Variants in CYP7B1 observed in about 807,000 individuals in gnomAD.
The protein encoded by CYP7B1 is cytochrome P450 7B1.
CYP7B1 carries 29 observed loss-of-function variants against 42.7 expected under a neutral mutation model. The observed-to-expected ratio is 0.68, with a 90% CI of 0.51 to 0.93. The LOEUF is 0.93. CYP7B1 is among the 40% of genes least tolerant of loss of function. CYP7B1 has a pLI of 0.00. For missense variants in CYP7B1, 655 were observed against 600.5 expected (o/e 1.09, Z -0.95); for synonymous variants, 235 against 218.2 (o/e 1.08, Z -0.68).
chr8:64,769,705 T>C (rs1253865992), intron 1 of CYP7B1, among the ~76,000 whole-genome samples: 2 of 152,330 alleles, frequency 1.3e-5, no homozygotes, highest in African/African-American at 4.8e-5. Flanking sequence ...TTCCAGACTT[T>C]CCTTTTGTTC....
chr8:64,667,943 G>A (rs1246841755), intron 1 of CYP7B1, among the ~76,000 whole-genome samples: 1 of 152,138 alleles, frequency 6.6e-6, no homozygotes, highest in African/African-American at 2.4e-5. Context: ...TTCATCCTCT[G>A]TTGAAATAGT....
intron 1 of CYP7B1, among the ~76,000 whole-genome samples, chr8:64,626,576 A>G (rs1362228926): frequency 1.3e-5 from 2 of 152,214 alleles, no homozygotes; most frequent in Non-Finnish European, 2.9e-5. Flanking sequence ...TGCATTTTTT[A>G]ACATACAAAA....
chr8:64,672,166 C>T (rs1806376640), intron 1 of CYP7B1, among the ~76,000 whole-genome samples: 1 of 152,070 alleles, frequency 6.6e-6, no homozygotes, highest in Non-Finnish European at 1.5e-5. Flanking sequence ...AGAAGACTGG[C>T]CATTTTAATT....
chr8:64,723,804 AG>A (rs1235191232), intron 1 of CYP7B1, among the ~76,000 whole-genome samples: 1 of 152,194 alleles, frequency 6.6e-6, no homozygotes, highest in Non-Finnish European at 1.5e-5. Context: ...GAGCTAAAAA[AG>A]AAAAAAAAAC....
At chr8:64,678,273 G>A (rs1806481779) in intron 1 of CYP7B1, among the ~76,000 whole-genome samples, 1 of 152,062 alleles carries the variant, frequency 6.6e-6, no homozygotes, top group Non-Finnish European at 1.5e-5. Flanking sequence ...CAGGCCTGCT[G>A]TCTGCATACA....
intron 1 of CYP7B1, among the ~76,000 whole-genome samples, chr8:64,744,063 C>A (rs1331277558): frequency 6.6e-6 from 1 of 152,014 alleles, no homozygotes; most frequent in African/African-American, 2.4e-5. Flanking sequence ...TTTATTCATT[C>A]TAGGAAAATA....
intron 1 of CYP7B1, among the ~76,000 whole-genome samples, chr8:64,708,033 G>T (rs1484342453): frequency 6.6e-6 from 1 of 152,050 alleles, no homozygotes; most frequent in Non-Finnish European, 1.5e-5. Context: ...CAATGCCCTT[G>T]GGAGCATGGA....
chr8:64,644,435 A>C (rs1188595056), intron 1 of CYP7B1, among the ~76,000 whole-genome samples: 1 of 152,114 alleles, frequency 6.6e-6, no homozygotes, highest in Non-Finnish European at 1.5e-5. Context: ...CGGAGGCATC[A>C]CTATCTATGG....
chr8:64,606,367 C>T (rs780569043), intron 4 of CYP7B1, among the ~76,000 whole-genome samples: 1 of 152,218 alleles, frequency 6.6e-6, no homozygotes, highest in Non-Finnish European at 1.5e-5. Context: ...TGTACTGCTG[C>T]CGGCTCTGTT....
chr8:64,641,064 T>C (rs1356264293), intron 1 of CYP7B1, among the ~76,000 whole-genome samples: 1 of 152,202 alleles, frequency 6.6e-6, no homozygotes, highest in Non-Finnish European at 1.5e-5. Flanking sequence ...ATTCATAAAC[T>C]ATAGTGCAAT....
In CYP7B1 at chr8:64,593,232, G is replaced by GGTGT. The variant is rs57590025; in HGVS notation, c.*3406_*3409dup. Among the ~76,000 whole-genome samples the GGTGT allele has an allele frequency of 0.015, 1,849 of 123,380 alleles. 19 individuals are homozygous for GGTGT. Among genetic ancestry groups the GGTGT allele is most frequent in the South Asian group, 0.044 (158 of 3,566 alleles). 80.9% of individuals were successfully genotyped at this position (123,380 alleles called of 152,430 possible). On this transcript the variant is annotated 3_prime_UTR_variant, in exon 6 of 6. Coordinates refer to ENST00000310193, the MANE Select transcript of CYP7B1 (RefSeq NM_004820.5). ...TGGTGGACTAAAGGCTAGGGCCCAG[G>GGTGT]GTGTGTGTGTGTGTGTGTGTGTGTG...
intron 1 of CYP7B1, among the ~76,000 whole-genome samples, chr8:64,699,504 A>T (rs1483855215): frequency 6.6e-6 from 1 of 152,142 alleles, no homozygotes; most frequent in African/African-American, 2.4e-5. Context: ...AAAACCAATG[A>T]CATTCAAGAG....
chr8:64,704,837 G>A (rs1806969654), intron 1 of CYP7B1, among the ~76,000 whole-genome samples: 1 of 151,998 alleles, frequency 6.6e-6, no homozygotes, highest in African/African-American at 2.4e-5. Flanking sequence ...GTATGTCTGT[G>A]TGGCATGAAA....
At position 64,593,805 on chromosome 8, in the gene CYP7B1, T is replaced by A. The variant is rs956614850; in HGVS notation, c.*2837A>T. 1.3e-5 allele frequency among the ~76,000 whole-genome samples: 2 copies of A among 152,088 alleles called. No individual in the cohort carries two copies. Among genetic ancestry groups the A allele is most frequent in the Non-Finnish European group, 2.9e-5 (2 of 68,018 alleles). ...TACAGAATCTAAAATGTTTGCTTCA[T>A]ACAGTTGAAGAAATGAAAAAGGATG... On this transcript the variant is annotated 3_prime_UTR_variant, in exon 6 of 6. Transcript: ENST00000310193.
Position 64,647,105 on chromosome 8 carries a change from ATGT to A in CYP7B1, c.123-22569_123-22567del, listed in dbSNP as rs200075237. ...AGGGTTATTAATTGGCCTAACTTCAATGTTGTTGTGTCTCAGGGAATGGGGAGG... is the reference window on the plus strand; with the variant it reads ...AGGGTTATTAATTGGCCTAACTTCAATGTTGTGTCTCAGGGAATGGGGAGG... On this transcript the variant is annotated intron_variant, in intron 1 of 5. Coordinates refer to ENST00000310193, the MANE Select transcript of CYP7B1 (RefSeq NM_004820.5). 3.9e-3 allele frequency among the ~76,000 whole-genome samples: 596 copies of A among 152,238 alleles called. 5 individuals carry two copies. Among genetic ancestry groups the A allele is most frequent in the Admixed American group, 0.021 (318 of 15,284 alleles).
chr8:64,587,508 C>T (rs2129629516), downstream of CYP7B1, among the ~76,000 whole-genome samples: 1 of 152,360 alleles, frequency 6.6e-6, no homozygotes, highest in South Asian at 2.1e-4. Flanking sequence ...TTGTAAGAGG[C>T]ACCCCGCAGC....
chr8:64,708,941 T>A (rs935453901), intron 1 of CYP7B1, among the ~76,000 whole-genome samples: 3 of 152,146 alleles, frequency 2.0e-5, no homozygotes, highest in African/African-American at 7.2e-5. Flanking sequence ...CACCATTAGT[T>A]CTCCCTCAAC....
Position 64,616,047 on chromosome 8 carries a change from A to T in CYP7B1, c.494T>A (p.Phe165Tyr), listed in dbSNP as rs772606889. The T allele has an allele frequency of 1.2e-6, 2 of 1,613,634 alleles. No individual in the cohort carries two copies. The highest frequency in any genetic ancestry group is 1.7e-5 in the Admixed American group (1 of 59,922). Residue 165 changes from phenylalanine to tyrosine, a missense_variant, in exon 3 of 6, where the codon TTT (phenylalanine) becomes TAT (tyrosine). Transcript: ENST00000310193. ...ESMMQNLKQVFEPQLLKTTSW... is the reference protein window; with the variant it reads ...ESMMQNLKQVYEPQLLKTTSW... ...TGTGGTTTTTAACAGCTGGGGTTCA[A>T]AAACTTGTTTTAGATTCTGCATCAT... is the stretch of plus-strand genomic sequence containing the variant.
chr8:64,658,749 G>A (rs906256985), intron 1 of CYP7B1, among the ~76,000 whole-genome samples: 9 of 152,184 alleles, frequency 5.9e-5, no homozygotes, highest in Admixed American at 3.9e-4. Context: ...TAGCAGCAGT[G>A]CCAACATTCC....
Sources: allele counts gnomAD v4.1 joint callset (sites outside exome capture counted in the v4.1 genomes callset), GRCh38; gene constraint gnomAD v4.1.1; transcripts MANE v1.5; gene names NCBI Gene and HGNC (gene_info 2026-07-23, HGNC 2026-07-21).